ZNF641: variants seen among roughly 807,000 people sequenced by gnomAD.
The protein encoded by ZNF641 is zinc finger protein 641.
ZNF641 carries 26 observed loss-of-function variants against 46.2 expected under a neutral mutation model. The ratio of observed to expected loss-of-function variants is 0.56; its 90% CI spans 0.41 to 0.78. ZNF641 has a LOEUF of 0.78. Among genes scored for constraint, ZNF641 ranks in the 30% least tolerant of loss-of-function variants. ZNF641 has a pLI of 0.00. For missense variants in ZNF641, 469 were observed against 517.8 expected, an observed-to-expected ratio of 0.91 and a Z score of 0.91; for synonymous variants, 163 against 187.9, an observed-to-expected ratio of 0.87 and a Z score of 1.09.
In ZNF641 at chr12:48,342,742, C is replaced by G; in HGVS notation, c.*231G>C. Reference sequence around the variant, plus strand: ...GAACAGCTCAGGCTGAATATCAGCCCATGTAGGATGCATTGCTTCCCAAAA... The same window carrying G: ...GAACAGCTCAGGCTGAATATCAGCCGATGTAGGATGCATTGCTTCCCAAAA... On this transcript the variant is annotated 3_prime_UTR_variant, in exon 6 of 6. Transcript: ENST00000547026. The G allele has an allele frequency of 7.5e-7, 1 of 1,334,392 alleles. No homozygotes were observed. Among genetic ancestry groups the G allele is most frequent in the Non-Finnish European group, 9.7e-7 (1 of 1,026,458 alleles). The allele number at this position is 1,334,392 out of a possible 1,614,324, so 82.7% of individuals were successfully genotyped here.
Position 48,341,737 on chromosome 12 carries a change from A to G in ZNF641, c.*1236T>C, listed in dbSNP as rs367612357. On this transcript the variant is annotated 3_prime_UTR_variant, in exon 6 of 6. Coordinates refer to ENST00000547026, the MANE Select transcript of ZNF641 (RefSeq NM_001172681.2). ...TCTATGTGCCTCTTGCCTGAAATCA[A>G]CAAGAAACAGCTCACCTCCCCAAAG... is the stretch of plus-strand genomic sequence containing the variant. 1 of 985,474 alleles carries G rather than the reference A, an allele frequency of 1.0e-6. No individual in the cohort carries two copies. The highest frequency in any genetic ancestry group is 1.2e-6 in the Non-Finnish European group (1 of 829,946). The allele number at this position is 985,474 out of a possible 1,614,324, so 61.0% of individuals were successfully genotyped here.
chr12:48,337,457 C>T lies in ZNF641; in HGVS notation c.*5516G>A, dbSNP rs2136163971. ...ACACTGAGAGCAGGAGCAAGGGTCACATTTGATCTCCCAGGCCTGAAATTG... is the reference window on the plus strand; with the variant it reads ...ACACTGAGAGCAGGAGCAAGGGTCATATTTGATCTCCCAGGCCTGAAATTG... On this transcript the variant is annotated 3_prime_UTR_variant, in exon 6 of 6. Transcript: ENST00000547026. 6.6e-6 allele frequency: 1 copy of T among 152,262 alleles called. No individual in the cohort carries two copies. The highest frequency in any genetic ancestry group is 1.5e-5 in the Non-Finnish European group (1 of 68,038). The allele number at this position is 152,262 out of a possible 1,614,324, so 9.4% of individuals were successfully genotyped here.
chr12:48,343,856 T>C (rs1327396542), intron 5 of ZNF641, 129 bp from the exon 6 acceptor site: 8 of 843,326 alleles, frequency 9.5e-6, no homozygotes, highest in South Asian at 6.8e-5. Flanking sequence ...TGAGAGAACA[T>C]AGTCTAATGT....
chr12:48,350,905 G>A lies in ZNF641; in HGVS notation c.-145C>T, dbSNP rs1186453688. 4.1e-6 allele frequency: 4 copies of A among 979,268 alleles called. No homozygotes were observed. The highest frequency in any genetic ancestry group is 1.8e-5 in the African/African-American group (1 of 57,108). 60.7% of individuals were successfully genotyped at this position (979,268 alleles called of 1,614,324 possible). A position where few individuals can be genotyped will look rare whatever the true frequency, so the allele number is the denominator to read the frequency against. ...GGCGGAGCCAGCGACAGGCGGAGAC[G>A]GCGGCCCGGCAGGCGCGGGCGGGGC... On this transcript the variant is annotated 5_prime_UTR_variant, in exon 1 of 6. Transcript: ENST00000547026.
In ZNF641 at chr12:48,341,944, GA is replaced by G. The variant is rs747474058; in HGVS notation, c.*1028del. The stretch of plus-strand genomic sequence containing the variant: ...AGACTGCTTCCTGTCTTGAAACAAA[GA>G]AAAAACCCCATATAATCCCCACTAC... On this transcript the variant is annotated 3_prime_UTR_variant, in exon 6 of 6. Coordinates refer to ENST00000547026, the MANE Select transcript of ZNF641 (RefSeq NM_001172681.2). 4.1e-6 allele frequency: 4 copies of G among 985,230 alleles called. No individual in the cohort carries two copies. The highest frequency in any genetic ancestry group is 4.8e-6 in the Non-Finnish European group (4 of 829,962). The allele number at this position is 985,230 out of a possible 1,614,324, so 61.0% of individuals were successfully genotyped here.
chr12:48,348,056 C>A lies in ZNF641; in HGVS notation c.35G>T (p.Gly12Val). Residue 12 changes from glycine to valine, a missense_variant, in exon 2 of 6, where the codon GGA (glycine) becomes GTA (valine). Gly to Val is a moderately radical substitution (Grantham distance 109, BLOSUM62 -3). This residue lies in a region of ZNF641 where 98 missense variants were observed against 105.7 expected (regional missense o/e 0.93). Coordinates refer to ENST00000547026, the MANE Select transcript of ZNF641 (RefSeq NM_001172681.2). ...CAGCTGTACATTCATTGATTCCCAT[C>A]CTGTCCCCAGCGCTGCTGTCTGTTC... Reference protein sequence around the residue: ...LSEQTAALGTGWESMNVQLDG... With the variant: ...LSEQTAALGTVWESMNVQLDG... 3 of 1,614,238 alleles carry A rather than the reference C, an allele frequency of 1.9e-6. No homozygotes were observed. Among genetic ancestry groups the A allele is most frequent in the Non-Finnish European group, 8.5e-7 (1 of 1,180,050 alleles).
downstream of ZNF641, among the ~76,000 whole-genome samples, chr12:48,335,106 G>A (rs1048580093): frequency 4.6e-5 from 7 of 152,180 alleles, no homozygotes; most frequent in African/African-American, 1.4e-4. Flanking sequence ...AACACCCCTG[G>A]GGGAACTTTA....
At chr12:48,346,030 A>G (rs1231252085) in intron 3 of ZNF641, among the ~76,000 whole-genome samples, 1 of 151,816 alleles carries the variant, frequency 6.6e-6, no homozygotes, top group African/African-American at 2.4e-5. Flanking sequence ...CAGCCTCCCA[A>G]GTAGCTGGAA....
downstream of ZNF641, among the ~76,000 whole-genome samples, chr12:48,336,961 T>A (rs1952612503): frequency 6.6e-6 from 1 of 152,164 alleles, no homozygotes; most frequent in Non-Finnish European, 1.5e-5. Flanking sequence ...GGATTGAGTG[T>A]CTGGCTGACT....
intron 5 of ZNF641, 23 bp from the exon 6 acceptor site, chr12:48,343,750 A>G: frequency 9.0e-6 from 13 of 1,448,016 alleles, no homozygotes; most frequent in Non-Finnish European, 1.2e-5. Flanking sequence ...GGAAATACCA[A>G]CCCCAAGAGA....
chr12:48,341,587 A>T lies in ZNF641; in HGVS notation c.*1386T>A, dbSNP rs898207091. The T allele has an allele frequency of 1.7e-5, 17 of 985,354 alleles. No individual in the cohort carries two copies. The Admixed American group carries it at 2.5e-4, about 14-fold the overall frequency. 61.0% of individuals were successfully genotyped at this position (985,354 alleles called of 1,614,324 possible). On this transcript the variant is annotated 3_prime_UTR_variant, in exon 6 of 6. Coordinates refer to ENST00000547026, the MANE Select transcript of ZNF641 (RefSeq NM_001172681.2). ...TGTTTCTGGGAGAATGAGATCTTCAAGAATAACTCTTGCCCCTTGATGAGG... is the reference window on the plus strand; with the variant it reads ...TGTTTCTGGGAGAATGAGATCTTCATGAATAACTCTTGCCCCTTGATGAGG...
downstream of ZNF641, among the ~76,000 whole-genome samples, chr12:48,334,696 A>G (rs189456198): frequency 4.6e-5 from 7 of 152,074 alleles, no homozygotes; most frequent in Non-Finnish European, 7.4e-5. Context: ...CAATTAGAAT[A>G]ATCAAGTGCC....
At chr12:48,343,798 T>A in intron 5 of ZNF641, 71 bp from the exon 6 acceptor site, 1 of 1,387,848 alleles carries the variant, frequency 7.2e-7, no homozygotes, top group Non-Finnish European at 9.4e-7. Context: ...AAGTCACAAA[T>A]GAGGTTGTCT....
Position 48,342,920 on chromosome 12 carries a change from C to A in ZNF641, c.*53G>T. On this transcript the variant is annotated 3_prime_UTR_variant, in exon 6 of 6. Coordinates refer to ENST00000547026, the MANE Select transcript of ZNF641 (RefSeq NM_001172681.2). The stretch of plus-strand genomic sequence containing the variant: ...AGGAGAACGGCAGCCCTGGCAGTGA[C>A]TCCTGGTAGCACCGGCTGATAGACT... The A allele has an allele frequency of 6.4e-7, 1 of 1,551,384 alleles. No individual in the cohort carries two copies.
chr12:48,339,500 G>C lies in ZNF641; in HGVS notation c.*3473C>G, dbSNP rs565360320. On this transcript the variant is annotated 3_prime_UTR_variant, in exon 6 of 6. Transcript: ENST00000547026. ...CTGGCCCAAAGACCAAATTTTGAGA[G>C]CCACAGTTTGGTATGGCTCACAAGG... is the stretch of plus-strand genomic sequence containing the variant. The C allele has an allele frequency of 6.6e-6, 1 of 152,298 alleles. No individual in the cohort carries two copies. The highest frequency in any genetic ancestry group is 3.4e-3 in the Middle Eastern group (1 of 294). 9.4% of individuals were successfully genotyped at this position (152,298 alleles called of 1,614,324 possible).
rs375658213 is a variant in ZNF641 at position 48,343,173 on chromosome 12, C to T, written c.1075G>A (p.Val359Met). ...QRAPPVPKCH[V>M]CTECGKSFGR... is the part of the protein sequence containing the mutation. ...AAGCTCTTCCCACATTCAGTGCACA[C>T]GTGACACTTTGGCACTGGTGGGGCA... The change falls in exon 6 of 6, where the codon GTG becomes ATG. Residue 359 changes from valine to methionine, a missense_variant. By Grantham distance (21) the Val-to-Met change is conservative. Around this residue, in one of 3 missense-constraint regions of ZNF641, gnomAD observed 346 missense variants for 354.0 expected, o/e 0.98. Transcript: ENST00000547026. The T allele has an allele frequency of 9.3e-6, 15 of 1,614,016 alleles. No homozygotes were observed. Among genetic ancestry groups the T allele is most frequent in the African/African-American group, 8.0e-5 (6 of 74,910 alleles).
chr12:48,350,171 A>C, intron 1 of ZNF641: 2 of 1,584,922 alleles, frequency 1.3e-6, no homozygotes, highest in East Asian at 2.3e-5. Context: ...TGTGGGTTCT[A>C]GGGCTTTCAT....
Position 48,350,827 on chromosome 12 carries a change from G to T in ZNF641, c.-67C>A, listed in dbSNP as rs536861077. 4 of 985,078 alleles carry T rather than the reference G, an allele frequency of 4.1e-6. No homozygotes were observed. The highest frequency in any genetic ancestry group is 4.7e-5 in the South Asian group (1 of 21,294). 61.0% of individuals were successfully genotyped at this position (985,078 alleles called of 1,614,324 possible). A position where few individuals can be genotyped will look rare whatever the true frequency, so the allele number is the denominator to read the frequency against. On this transcript the variant is annotated 5_prime_UTR_variant, in exon 1 of 6. Transcript: ENST00000547026. The stretch of plus-strand genomic sequence containing the variant: ...CCGCGGCCCGGTGCCTCCCTCCCGG[G>T]CGCCGCCTGCCCCTCCCCTCCGCCC...
Position 48,342,697 on chromosome 12 carries a change from C to T in ZNF641, c.*276G>A. On this transcript the variant is annotated 3_prime_UTR_variant, in exon 6 of 6. Transcript: ENST00000547026. Reference sequence around the variant, plus strand: ...AGAATGGATTTCAGCCATAAACTGCCAGTACCACTCTCCTCTTGAGAACAG... The same window carrying T: ...AGAATGGATTTCAGCCATAAACTGCTAGTACCACTCTCCTCTTGAGAACAG... 1 of 1,012,944 alleles carries T rather than the reference C, an allele frequency of 9.9e-7. No individual in the cohort carries two copies. The highest frequency in any genetic ancestry group is 1.3e-6 in the Non-Finnish European group (1 of 768,990). 62.7% of individuals were successfully genotyped at this position (1,012,944 alleles called of 1,614,324 possible).
Sources: allele counts gnomAD v4.1 joint callset (sites outside exome capture counted in the v4.1 genomes callset), GRCh38; gene constraint gnomAD v4.1.1; regional missense constraint gnomAD v4.1.1; transcripts MANE v1.5; gene names NCBI Gene and HGNC (gene_info 2026-07-23, HGNC 2026-07-21).